The following DHFR2 variants were observed in gnomAD, a reference collection of about 807,000 sequenced individuals.
The protein encoded by DHFR2 is dihydrofolate reductase 2, mitochondrial.
Under a neutral mutation model 12.0 loss-of-function variants are expected in DHFR2, and 11 were observed. The ratio of observed to expected loss-of-function variants is 0.92; its 90% CI spans 0.58 to 1.52. The LOEUF (loss-of-function observed/expected upper bound fraction) is 1.52, where lower values mean the gene tolerates loss of function less well. Ranked by LOEUF, DHFR2 falls within the 40% of genes most tolerant of loss-of-function variation. The pLI, the probability that DHFR2 is intolerant of heterozygous loss-of-function variation, is 0.00. For missense variants in DHFR2, 188 were observed against 221.2 expected, an observed-to-expected ratio of 0.85 and a Z score of 0.95; for synonymous variants, 87 against 79.6, an observed-to-expected ratio of 1.09 and a Z score of -0.49.
At chr3:94,062,541 A>G (rs1342133110) in intron 1 of DHFR2, among the ~76,000 whole-genome samples, 1 of 152,202 alleles carries the variant, frequency 6.6e-6, no homozygotes, top group African/African-American at 2.4e-5. Flanking sequence ...CTTCGCTTTG[A>G]GAATATTTTA....
At position 94,060,198 on chromosome 3, in the gene DHFR2, A is replaced by T. The variant is rs1302952342; in HGVS notation, c.*750T>A. ...GAACTTGCTATTGAGTAGGTGGAGT[A>T]CGTTCTGCCCACACACAGGACAGGG... On this transcript the variant is annotated 3_prime_UTR_variant, in exon 2 of 2. Transcript: ENST00000314636. 6.6e-6 allele frequency: 1 copy of T among 152,324 alleles called. No individual in the cohort carries two copies. The highest frequency in any genetic ancestry group is 1.5e-5 in the Non-Finnish European group (1 of 68,148). The allele number at this position is 152,324 out of a possible 1,614,324, so 9.4% of individuals were successfully genotyped here.
Position 94,062,349 on chromosome 3 carries a change from G to T in DHFR2, c.-96+397C>A, listed in dbSNP as rs1399149252. 2.0e-5 allele frequency among the ~76,000 whole-genome samples: 3 copies of T among 152,220 alleles called. No individual in the cohort carries two copies. The East Asian group carries it at 5.8e-4, about 30-fold the overall frequency. On this transcript the variant is annotated intron_variant, in intron 1 of 1. Transcript: ENST00000314636. ...CTGTTTCCTAATCACTGTTGTAACC[G>T]CTTTACATGCCTACTTCAGTTTAAC...
At chr3:94,063,273 G>A, upstream of DHFR2, 2 of 911,532 alleles carry the variant, frequency 2.2e-6, no homozygotes, top group Non-Finnish European at 3.6e-6. Flanking sequence ...CGTTTCTTTG[G>A]CTTTACTGTC....
chr3:94,061,640 A>T, intron 1 of DHFR2, 34 bp from the exon 2 acceptor site: 1 of 1,417,128 alleles, frequency 7.1e-7, no homozygotes, highest in South Asian at 1.7e-5. Context: ...TGTATTAATT[A>T]ATTGCAACAT....
At chr3:94,063,021 G>C, upstream of DHFR2, 1 of 1,228,204 alleles carries the variant, frequency 8.1e-7, no homozygotes, top group Admixed American at 1.7e-5. Context: ...GAGAATGAAA[G>C]TGGATGCCCG....
intron 1 of DHFR2, 134 bp from the exon 2 acceptor site, chr3:94,061,740 T>C (rs2077176591): frequency 1.7e-5 from 11 of 638,118 alleles, no homozygotes; most frequent in Non-Finnish European, 2.2e-5. Context: ...ATTTATAAAA[T>C]TATAAAAAAT....
At chr3:94,063,235 AC>A (rs2077188713), upstream of DHFR2, 21 of 1,208,304 alleles carry the variant, frequency 1.7e-5, no homozygotes, top group Non-Finnish European at 2.5e-5. Context: ...GGGGAACATC[AC>A]CTTTGTTCGT....
In DHFR2 at chr3:94,060,759, G is replaced by C; in HGVS notation, c.*189C>G. On this transcript the variant is annotated 3_prime_UTR_variant, in exon 2 of 2. Transcript: ENST00000314636. ...CTGGGGACTCAGTCGGGGTCTTGGA[G>C]AGACAGTTATAGCAAGAATGTTTCA... 1 of 698,210 alleles carries C rather than the reference G, an allele frequency of 1.4e-6. No individual in the cohort carries two copies. The highest frequency in any genetic ancestry group is 2.3e-6 in the Non-Finnish European group (1 of 430,554). 43.3% of individuals were successfully genotyped at this position (698,210 alleles called of 1,614,324 possible).
In DHFR2 at chr3:94,061,224, A is replaced by T; in HGVS notation, c.288T>A (p.Asp96Glu). Residue 96 changes from aspartate (D) to glutamate (E), a missense_variant, in exon 2 of 2, where the codon GAT becomes GAA. Asp to Glu is a conservative substitution (Grantham distance 45). Transcript: ENST00000314636. ...GAHFLARSLD[D>E]ALKLTERPEL... ...CTGGTCGTTCAGTAAGTTTTAAGGC[A>T]TCATCCAAACTTCTGGCAAGAAAAT... 6.2e-7 allele frequency: 1 copy of T among 1,614,012 alleles called. No homozygotes were observed. Among genetic ancestry groups the T allele is most frequent in the South Asian group, 1.1e-5 (1 of 91,080 alleles).
upstream of DHFR2, chr3:94,062,979 C>A: frequency 1.2e-6 from 1 of 823,812 alleles, no homozygotes; most frequent in Non-Finnish European, 2.0e-6. Flanking sequence ...GCGAGCAAAT[C>A]AGTATCTCGC....
At position 94,059,906 on chromosome 3, in the gene DHFR2, A is replaced by G. The variant is rs1332589651; in HGVS notation, c.*1042T>C. On this transcript the variant is annotated 3_prime_UTR_variant, in exon 2 of 2. Coordinates refer to ENST00000314636, the MANE Select transcript of DHFR2 (RefSeq NM_176815.5). ...GGAATGTCCCCACCAAAAATACAAA[A>G]TTAGCCTGGCGTGGTGGCACGCGCC... The G allele has an allele frequency of 2.0e-5, 3 of 152,074 alleles. No individual in the cohort carries two copies. The highest frequency in any genetic ancestry group is 4.4e-5 in the Non-Finnish European group (3 of 68,038). The allele number at this position is 152,074 out of a possible 1,614,324, so 9.4% of individuals were successfully genotyped here.
rs1246346669 is a variant in DHFR2 at position 94,058,530 on chromosome 3, A to G, written c.*2418T>C. ...AGGATTTAGCTCTTACACCATCACT[A>G]TCTTCACTTTTCCCCCCATATTGTC... is the stretch of plus-strand genomic sequence containing the variant. On this transcript the variant is annotated 3_prime_UTR_variant, in exon 2 of 2. Coordinates refer to ENST00000314636, the MANE Select transcript of DHFR2 (RefSeq NM_176815.5). The G allele has an allele frequency of 1.3e-5, 2 of 152,240 alleles. No individual in the cohort carries two copies. The highest frequency in any genetic ancestry group is 2.9e-5 in the Non-Finnish European group (2 of 68,116). The allele number at this position is 152,240 out of a possible 1,614,324, so 9.4% of individuals were successfully genotyped here. A position where few individuals can be genotyped will look rare whatever the true frequency, so the allele number is the denominator to read the frequency against.
rs752548032 is a variant in DHFR2, at chr3:94,061,122, G to C, written c.390C>G (p.Gly130=). ...TCCTTGTCACAAATAGTTTAAGATG[G>C]CCTAGGTGATTCATGGCTTCCTTAT... is the stretch of plus-strand genomic sequence containing the variant. The part of the protein sequence containing the change: ...SVYKEAMNHL[G]HLKLFVTRIM... The change falls in exon 2 of 2, where the codon GGC becomes GGG. Residue 130 remains glycine (G), a synonymous_variant. Coordinates refer to ENST00000314636, the MANE Select transcript of DHFR2 (RefSeq NM_176815.5). 1.9e-6 allele frequency: 3 copies of C among 1,613,866 alleles called. No homozygotes were observed. Among genetic ancestry groups the C allele is most frequent in the Non-Finnish European group, 1.7e-6 (2 of 1,179,850 alleles).
Position 94,060,814 on chromosome 3 carries a change from T to A in DHFR2, c.*134A>T. On this transcript the variant is annotated 3_prime_UTR_variant, in exon 2 of 2. Coordinates refer to ENST00000314636, the MANE Select transcript of DHFR2 (RefSeq NM_176815.5). ...TGGTATCTGATATAGCCAAGATTAG[T>A]GAGGAATAAAAACACGTTGCTTAGA... 9.9e-7 allele frequency: 1 copy of A among 1,006,190 alleles called. No homozygotes were observed. The highest frequency in any genetic ancestry group is 1.4e-6 in the Non-Finnish European group (1 of 696,504). The allele number at this position is 1,006,190 out of a possible 1,614,324, so 62.3% of individuals were successfully genotyped here.
upstream of DHFR2, chr3:94,063,129 G>A: frequency 6.2e-7 from 1 of 1,614,102 alleles, no homozygotes; most frequent in Non-Finnish European, 8.5e-7. Flanking sequence ...GCGGGACAAT[G>A]CTGACCCAGG....
Position 94,062,814 on chromosome 3 carries a change from A to G in DHFR2, c.-164T>C. On this transcript the variant is annotated 5_prime_UTR_variant, in exon 1 of 2. Coordinates refer to ENST00000314636, the MANE Select transcript of DHFR2 (RefSeq NM_176815.5). ...GTGACTTTCTAAGGTCCGGCCGCCCAAAGCTACGCCGACCAATCCAAGTAG... is the reference window on the plus strand; with the variant it reads ...GTGACTTTCTAAGGTCCGGCCGCCCGAAGCTACGCCGACCAATCCAAGTAG... 2.6e-6 allele frequency: 1 copy of G among 388,724 alleles called. No homozygotes were observed. The highest frequency in any genetic ancestry group is 3.9e-5 in the Admixed American group (1 of 25,728). 24.1% of individuals were successfully genotyped at this position (388,724 alleles called of 1,614,324 possible).
Position 94,061,292 on chromosome 3 carries a change from A to T in DHFR2, c.220T>A (p.Leu74Ile), listed in dbSNP as rs368572881. 117 of 1,613,704 alleles carry T rather than the reference A, an allele frequency of 7.3e-5. No homozygotes were observed. The highest frequency in any genetic ancestry group is 9.9e-5 in the Non-Finnish European group (117 of 1,179,726). The change falls in exon 2 of 2, where the codon TTA becomes ATA. Residue 74 changes from leucine to isoleucine, a missense_variant. Leu to Ile is a conservative substitution (Grantham distance 5). Coordinates refer to ENST00000314636, the MANE Select transcript of DHFR2 (RefSeq NM_176815.5). ...TCCTTGAGTTCTCTGCTGAGAACTA[A>T]ATTAATTCTATCCTTTAAAGGTCGA... Reference protein sequence around the residue: ...KNRPLKDRINLVLSRELKEPP... With the variant: ...KNRPLKDRINIVLSRELKEPP...
chr3:94,060,945 A>C lies in DHFR2; in HGVS notation c.*3T>G. On this transcript the variant is annotated 3_prime_UTR_variant, in exon 2 of 2. Coordinates refer to ENST00000314636, the MANE Select transcript of DHFR2 (RefSeq NM_176815.5). ...ACAACTTAAACCAGAAAACACCTTC[A>C]TATTAATCATCCTTCTCACATACTT... The C allele has an allele frequency of 6.2e-7, 1 of 1,612,386 alleles. No individual in the cohort carries two copies. Among genetic ancestry groups the C allele is most frequent in the South Asian group, 1.1e-5 (1 of 90,788 alleles).
At chr3:94,063,041 G>A, upstream of DHFR2, 1 of 1,471,962 alleles carries the variant, frequency 6.8e-7, no homozygotes, top group African/African-American at 1.4e-5. Flanking sequence ...GCGAATCCCG[G>A]AAGTCAGACT....
Sources: gnomAD v4.1 joint callset for allele counts (sites outside exome capture counted in the v4.1 genomes callset) on GRCh38, gnomAD v4.1.1 for gene constraint, MANE v1.5 for transcripts, NCBI Gene and HGNC (gene_info 2026-07-23, HGNC 2026-07-21) for gene names.